The following ERC2 variants were observed in gnomAD, a reference collection of about 807,000 sequenced individuals.
ERC2 encodes the protein ELKS/RAB6-interacting/CAST family member 2, also known as ERC protein 2.
In ERC2, 42 loss-of-function variants were observed where a neutral mutation model predicts 114.8. The ratio of observed to expected loss-of-function variants is 0.37; its 90% CI spans 0.29 to 0.47. ERC2 has a LOEUF of 0.47. ERC2 is among the 20% of genes least tolerant of loss of function. ERC2 has a pLI of 0.99. For missense variants in ERC2, 939 were observed against 1,150.7 expected (o/e 0.82, Z 2.66); for synonymous variants, 454 against 425.5 (o/e 1.07, Z -0.82).
intron 4 of ERC2, among the ~76,000 whole-genome samples, chr3:56,163,834 C>T (rs1476514630): frequency 1.3e-5 from 2 of 151,942 alleles, no homozygotes; most frequent in East Asian, 1.9e-4. Context: ...TCACTCTGTG[C>T]CTTTTAAGTG....
intron 2 of ERC2, among the ~76,000 whole-genome samples, chr3:56,363,964 C>T (rs770945847): frequency 2.0e-5 from 3 of 152,036 alleles, no homozygotes; most frequent in Non-Finnish European, 4.4e-5. Flanking sequence ...CTTTAATATT[C>T]CCTCATTGCT....
At chr3:55,790,171 G>A (rs1289844355) in intron 14 of ERC2, among the ~76,000 whole-genome samples, 3 of 152,134 alleles carry the variant, frequency 2.0e-5, no homozygotes, top group Non-Finnish European at 4.4e-5. Flanking sequence ...TTGGGGAGCT[G>A]ACCTCTGATT....
intron 10 of ERC2, among the ~76,000 whole-genome samples, chr3:55,994,671 A>AAAAAAAC: frequency 1.3e-5 from 2 of 150,568 alleles, no homozygotes; most frequent in African/African-American, 2.4e-5. Context: ...AAAAAAAAAA[A>AAAAAAAC]AGCCTCCCTG....
rs539427962 is a variant in ERC2 at position 56,043,365 on chromosome 3, C to A, written c.1642-24334G>T. Among the ~76,000 whole-genome samples, 81 of 152,120 alleles carry A rather than the reference C, an allele frequency of 5.3e-4. 2 individuals carry two copies. The South Asian group carries it at 7.1e-3, about 13-fold the overall frequency. On this transcript the variant is annotated intron_variant, in intron 7 of 17. Transcript: ENST00000288221. The stretch of plus-strand genomic sequence containing the variant: ...AAATGATTAAGAATTTTTTATGGCA[C>A]TAATTTTATTGGAAAGTCATAGCTA...
chr3:56,418,769 CT>C (rs2061271585), intron 2 of ERC2, among the ~76,000 whole-genome samples: 1 of 152,194 alleles, frequency 6.6e-6, no homozygotes, highest in South Asian at 2.1e-4. Context: ...ACTTTACATG[CT>C]GGCCTGAGAA....
At chr3:55,892,594 C>T (rs925375733) in intron 13 of ERC2, among the ~76,000 whole-genome samples, 2 of 152,000 alleles carry the variant, frequency 1.3e-5, no homozygotes, top group African/African-American at 4.8e-5. Context: ...AATGTTTTAG[C>T]TTTCTTCTGA....
At chr3:56,344,794 AAT>A (rs1482211920) in intron 2 of ERC2, among the ~76,000 whole-genome samples, 4 of 152,184 alleles carry the variant, frequency 2.6e-5, no homozygotes, top group Non-Finnish European at 5.9e-5. Flanking sequence ...CACAGATCAC[AAT>A]AGTTTATCTT....
At chr3:56,371,860 C>T (rs1476456933) in intron 2 of ERC2, among the ~76,000 whole-genome samples, 1 of 152,260 alleles carries the variant, frequency 6.6e-6, no homozygotes, top group Admixed American at 6.5e-5. Context: ...CCAGGCTCAT[C>T]CTCATATGCT....
intron 3 of ERC2, among the ~76,000 whole-genome samples, chr3:56,198,861 C>A (rs2048255859): frequency 6.6e-6 from 1 of 152,102 alleles, no homozygotes; most frequent in South Asian, 2.1e-4. Context: ...GATCACAGGC[C>A]ACCACAACAA....
At chr3:55,739,574 G>C (rs1248436107) in intron 14 of ERC2, among the ~76,000 whole-genome samples, 2 of 143,452 alleles carry the variant, frequency 1.4e-5, no homozygotes. Flanking sequence ...AGAAGTGTCT[G>C]TTCATATCCT....
chr3:55,682,104 A>G (rs1458558367), intron 17 of ERC2, among the ~76,000 whole-genome samples: 3 of 152,212 alleles, frequency 2.0e-5, no homozygotes, highest in African/African-American at 7.2e-5. Flanking sequence ...TTAACGCTAT[A>G]AAACGCTTTC....
At chr3:55,839,380 C>A (rs1034351697) in intron 14 of ERC2, among the ~76,000 whole-genome samples, 2 of 151,526 alleles carry the variant, frequency 1.3e-5, no homozygotes, top group Non-Finnish European at 3.0e-5. Context: ...ATATTTTGAT[C>A]CACAAAAAGG....
At chr3:56,278,396 G>T (rs1034599092) in intron 3 of ERC2, among the ~76,000 whole-genome samples, 1 of 152,178 alleles carries the variant, frequency 6.6e-6, no homozygotes, top group African/African-American at 2.4e-5. Context: ...CTTCAAGGGT[G>T]CCAAGATCAT....
At chr3:55,827,932 G>A (rs1169432484) in intron 14 of ERC2, among the ~76,000 whole-genome samples, 2 of 152,238 alleles carry the variant, frequency 1.3e-5, no homozygotes, top group Non-Finnish European at 2.9e-5. Flanking sequence ...GCAACGTTGA[G>A]AAGCCAGACA....
At chr3:55,919,878 C>T (rs1159699942) in intron 13 of ERC2, among the ~76,000 whole-genome samples, 2 of 152,062 alleles carry the variant, frequency 1.3e-5, no homozygotes, top group African/African-American at 2.4e-5. Context: ...GCCTCCTGTG[C>T]GTTCAAGGAA....
At chr3:55,838,440 A>T (rs987585255) in intron 14 of ERC2, among the ~76,000 whole-genome samples, 1 of 152,136 alleles carries the variant, frequency 6.6e-6, no homozygotes, top group Non-Finnish European at 1.5e-5. Context: ...AAATTAAATA[A>T]CACACTTTTA....
intron 3 of ERC2, among the ~76,000 whole-genome samples, chr3:56,291,646 C>A (rs566103037): frequency 6.6e-6 from 1 of 152,294 alleles, no homozygotes; most frequent in East Asian, 1.9e-4. Flanking sequence ...CCCCAACCTA[C>A]TCGAACTGTG....
chr3:55,855,883 C>T (rs2061764212), intron 14 of ERC2, among the ~76,000 whole-genome samples: 1 of 152,132 alleles, frequency 6.6e-6, no homozygotes, highest in African/African-American at 2.4e-5. Context: ...TTTGGCTTTA[C>T]ATAAAAAGGT....
chr3:55,627,369 G>A (rs777883266), intron 17 of ERC2, among the ~76,000 whole-genome samples: 12 of 152,140 alleles, frequency 7.9e-5, no homozygotes, highest in Non-Finnish European at 1.5e-4. Context: ...GGGAGGCTGA[G>A]GCAGGAGAAT....
Sources: allele counts gnomAD v4.1 joint callset (sites outside exome capture counted in the v4.1 genomes callset), GRCh38; gene constraint gnomAD v4.1.1; transcripts MANE v1.5; gene names NCBI Gene and HGNC (gene_info 2026-07-23, HGNC 2026-07-21).